Variants in AR observed in about 807,000 individuals in gnomAD.
AR encodes dihydrotestosterone receptor.
In AR, 8 loss-of-function variants were observed where a neutral mutation model predicts 53.9. The ratio of observed to expected loss-of-function variants is 0.15; its 90% CI spans 0.09 to 0.27. The LOEUF is 0.27. Ranked by LOEUF, AR falls within the 10% of genes least tolerant of loss-of-function variation. The pLI is 1.00. For missense variants in AR, 639 were observed against 742.5 expected (o/e 0.86, Z 1.62); for synonymous variants, 359 against 316.4 (o/e 1.13, Z -1.43).
chrX:67,596,978 C>T (rs1923109598), intron 1 of AR, among the ~76,000 whole-genome samples: 1 of 111,903 alleles, frequency 8.9e-6, no homozygotes, highest in Non-Finnish European at 1.9e-5. Flanking sequence ...ACCCATTTCA[C>T]AGGGAGAGGA....
rs1050100620 is a variant in AR, at chrX:67,582,347, T to G, written c.1616+35585T>G. The stretch of plus-strand genomic sequence containing the variant: ...AACATTCTTTTGTGCTAACAGTATC[T>G]CTGCATCACATTGATCAGGAGAATT... On this transcript the variant is annotated intron_variant, in intron 1 of 7. Coordinates refer to ENST00000374690, the MANE Select transcript of AR (RefSeq NM_000044.6). Among the ~76,000 whole-genome samples, 7 of 111,942 alleles carry G rather than the reference T, an allele frequency of 6.3e-5. No individual in the cohort carries two copies. In the South Asian group the frequency reaches 1.1e-3, roughly 18 times the overall value.
chrX:67,694,679 T>C, intron 3 of AR: 2 of 1,154,578 alleles, frequency 1.7e-6, no homozygotes, highest in Non-Finnish European at 2.3e-6. Flanking sequence ...CTAGAAAAAT[T>C]CCGGGTTGGC....
At position 67,728,422 on chromosome X, in the gene AR, G is replaced by A. The variant is rs2076166546; in HGVS notation, c.*4581G>A. The A allele has an allele frequency of 2.5e-5, 4 of 157,939 alleles. No individual in the cohort carries two copies. The highest frequency in any genetic ancestry group is 2.4e-5 in the Non-Finnish European group (2 of 81,685). 13.0% of individuals were successfully genotyped at this position (157,939 alleles called of 1,213,427 possible). ...ATGTGAAACCCTTGCTGATAAGGGA[G>A]CATTTAAAGTACTAGATTTTGCACT... On this transcript the variant is annotated 3_prime_UTR_variant, in exon 8 of 8. Transcript: ENST00000374690.
intron 1 of AR, among the ~76,000 whole-genome samples, chrX:67,632,746 C>A (rs2054740980): frequency 1.8e-5 from 2 of 112,203 alleles, no homozygotes; most frequent in Non-Finnish European, 3.8e-5. Context: ...GAAAATCTCA[C>A]CCACAGAATG....
intron 3 of AR, chrX:67,695,437 T>G: frequency 1.3e-6 from 1 of 754,083 alleles, no homozygotes; most frequent in Non-Finnish European, 1.6e-6. Context: ...CTCTTACATC[T>G]AGCCTTACTG....
rs770822983 is a variant in AR at position 67,686,364 on chromosome X, G to A, written c.1885+238G>A. On this transcript the variant is annotated intron_variant, in intron 3 of 7. Coordinates refer to ENST00000374690, the MANE Select transcript of AR (RefSeq NM_000044.6). The stretch of plus-strand genomic sequence containing the variant: ...TCAGCATTAGAGCAGGCGGTGTGAA[G>A]CAGGGATCAGGAGCCAACAGAAGGT... Among the ~76,000 whole-genome samples, 79 of 111,535 alleles carry A rather than the reference G, an allele frequency of 7.1e-4. 1 individual carries two copies. Among genetic ancestry groups the A allele is most frequent in the African/African-American group, 2.3e-3 (70 of 30,719 alleles).
At chrX:67,654,002 C>G (rs1926473244) in intron 2 of AR, among the ~76,000 whole-genome samples, 1 of 111,375 alleles carries the variant, frequency 9.0e-6, no homozygotes, top group South Asian at 3.7e-4. Context: ...AGTAGTAAAT[C>G]TCTACAATTT....
chrX:67,697,680 C>T (rs1348032197), intron 3 of AR, among the ~76,000 whole-genome samples: 2 of 111,377 alleles, frequency 1.8e-5, no homozygotes, highest in African/African-American at 6.5e-5. Context: ...ATCTCATTTC[C>T]TCCTAAAAAT....
intron 1 of AR, among the ~76,000 whole-genome samples, chrX:67,594,879 G>A (rs1404262539): frequency 9.0e-6 from 1 of 111,656 alleles, no homozygotes; most frequent in African/African-American, 3.3e-5. Flanking sequence ...AGCCCAGGAG[G>A]TTGAGGTTGC....
At chrX:67,689,563 TG>T in intron 3 of AR, 2 of 966,330 alleles carry the variant, frequency 2.1e-6, no homozygotes, top group Non-Finnish European at 2.7e-6. Flanking sequence ...TAGCAGCTGT[TG>T]TTGTTTCTGA....
At position 67,728,444 on chromosome X, in the gene AR, C is replaced by A. The variant is rs758673212; in HGVS notation, c.*4603C>A. ...GGAGCATTTAAAGTACTAGATTTTGCACTAGAGGGACAGCAGGCAGAAATC... is the reference window on the plus strand; with the variant it reads ...GGAGCATTTAAAGTACTAGATTTTGAACTAGAGGGACAGCAGGCAGAAATC... On this transcript the variant is annotated 3_prime_UTR_variant, in exon 8 of 8. Coordinates refer to ENST00000374690, the MANE Select transcript of AR (RefSeq NM_000044.6). The A allele has an allele frequency of 7.1e-4, 107 of 149,682 alleles. 1 individual carries two copies. The highest frequency in any genetic ancestry group is 1.3e-3 in the Non-Finnish European group (102 of 78,384). 12.3% of individuals were successfully genotyped at this position (149,682 alleles called of 1,213,427 possible). A position where few individuals can be genotyped will look rare whatever the true frequency, so the allele number is the denominator to read the frequency against.
At chrX:67,587,681 T>C (rs1922615371) in intron 1 of AR, among the ~76,000 whole-genome samples, 1 of 111,515 alleles carries the variant, frequency 9.0e-6, no homozygotes, top group South Asian at 3.8e-4. Flanking sequence ...AAGAAAAGGA[T>C]GGACTTTGAA....
rs1397181802 is a variant in AR at position 67,661,983 on chromosome X, G to A, written c.1768+18576G>A. On this transcript the variant is annotated intron_variant, in intron 2 of 7. Coordinates refer to ENST00000374690, the MANE Select transcript of AR (RefSeq NM_000044.6). ...GATTTTCTAGTTTATTTGCATACAG[G>A]TGTTTATAGTATGCTCTGATGGTAG... Among the ~76,000 whole-genome samples the A allele has an allele frequency of 9.8e-5, 11 of 111,835 alleles. No homozygotes were observed. The Admixed American group carries it at 1.0e-3, about 11-fold the overall frequency.
intron 1 of AR, among the ~76,000 whole-genome samples, chrX:67,576,448 A>AG (rs1555973331): frequency 2.7e-5 from 3 of 110,082 alleles, no homozygotes; most frequent in Non-Finnish European, 5.7e-5. Context: ...GACAAAAAAA[A>AG]AGAGAGAGAG....
chrX:67,674,017 A>C (rs2075883399), intron 2 of AR, among the ~76,000 whole-genome samples: 1 of 110,886 alleles, frequency 9.0e-6, no homozygotes, highest in East Asian at 2.9e-4. Flanking sequence ...TTTATGGAGC[A>C]TCCCATGCTC....
rs2076168263 is a variant in AR at position 67,728,614 on chromosome X, T to TATATATATATAC, written c.*4774_*4775insTATATATATACA. ...ATATATATATATATATATATATATA[T>TATATATATATAC]AGTGTGTGTGTGTGTTCTGATAGCT... On this transcript the variant is annotated 3_prime_UTR_variant, in exon 8 of 8. Coordinates refer to ENST00000374690, the MANE Select transcript of AR (RefSeq NM_000044.6). 1.0e-5 allele frequency: 1 copy of TATATATATATAC among 97,862 alleles called. No individual in the cohort carries two copies. The highest frequency in any genetic ancestry group is 2.1e-4 in the East Asian group (1 of 4,877). The allele number at this position is 97,862 out of a possible 1,213,427, so 8.1% of individuals were successfully genotyped here. A position where few individuals can be genotyped will look rare whatever the true frequency, so the allele number is the denominator to read the frequency against.
intron 1 of AR, among the ~76,000 whole-genome samples, chrX:67,548,788 A>C (rs1368731596): frequency 8.9e-6 from 1 of 112,387 alleles, no homozygotes; most frequent in Non-Finnish European, 1.9e-5. Flanking sequence ...CTTCTTTATG[A>C]GGAAGGTTAT....
intron 2 of AR, among the ~76,000 whole-genome samples, chrX:67,672,172 C>T (rs892277272): frequency 9.0e-6 from 1 of 111,624 alleles, no homozygotes; most frequent in Admixed American, 9.6e-5. Context: ...TATGTTTTTG[C>T]GTTCTCATAG....
chrX:67,692,797 TTC>T (rs1467300994), intron 3 of AR, among the ~76,000 whole-genome samples: 2 of 111,412 alleles, frequency 1.8e-5, no homozygotes, highest in Non-Finnish European at 3.8e-5. Flanking sequence ...CTGGGGTCTG[TTC>T]TCTCTCTCTC....
Sources: allele counts gnomAD v4.1 joint callset (sites outside exome capture counted in the v4.1 genomes callset), GRCh38; gene constraint gnomAD v4.1.1; transcripts MANE v1.5; gene names NCBI Gene and HGNC (gene_info 2026-07-23, HGNC 2026-07-21).